The following EML6 variants were observed in gnomAD, a reference collection of about 807,000 sequenced individuals.
EML6 encodes the protein echinoderm microtubule-associated protein-like 6.
EML6 carries 154 observed loss-of-function variants against 240.1 expected under a neutral mutation model. The ratio of observed to expected loss-of-function variants is 0.64; its 90% CI spans 0.56 to 0.73. The LOEUF (loss-of-function observed/expected upper bound fraction) is 0.73, where lower values mean the gene tolerates loss of function less well. EML6 is among the 30% of genes least tolerant of loss of function. The pLI is 0.00. For synonymous variants in EML6, 1,148 were observed against 899.0 expected (o/e 1.28, Z -4.95); for missense variants, 2,964 against 2,474.6 (o/e 1.20, Z -4.20).
At chr2:54,912,548 A>T (rs1296982510) in intron 25 of EML6, among the ~76,000 whole-genome samples, 4 of 152,134 alleles carry the variant, frequency 2.6e-5, no homozygotes, top group African/African-American at 9.7e-5. Flanking sequence ...ATAGTGTTTC[A>T]GCCTTTGCCA....
chr2:54,801,822 C>T (rs554077826), intron 2 of EML6, among the ~76,000 whole-genome samples: 12 of 152,302 alleles, frequency 7.9e-5, no homozygotes, highest in South Asian at 2.1e-4. Flanking sequence ...TGTATTAAAA[C>T]GTCATGCCAT....
At chr2:54,960,371 G>GA in intron 35 of EML6, 37 bp downstream of exon 35, 1 of 1,474,944 alleles carries the variant, frequency 6.8e-7, no homozygotes, top group Non-Finnish European at 9.2e-7. Flanking sequence ...CTGGGCCAGG[G>GA]AAGGGGGAAG....
At chr2:54,967,960 C>T (rs573712213) in intron 39 of EML6, among the ~76,000 whole-genome samples, 168 bp from the exon 40 acceptor site, 5 of 152,272 alleles carry the variant, frequency 3.3e-5, no homozygotes, top group East Asian at 3.9e-4. Context: ...TCCTGCCCTG[C>T]GGTCGGTTCC....
At chr2:54,866,944 A>G in intron 14 of EML6, 60 bp downstream of exon 14, 1 of 985,810 alleles carries the variant, frequency 1.0e-6, no homozygotes, top group Non-Finnish European at 1.6e-6. Context: ...GCTGTCACCA[A>G]CCTTAGCACC....
Position 54,971,879 on chromosome 2 carries a change from T to TC in EML6, c.*1784_*1785insC. On this transcript the variant is annotated 3_prime_UTR_variant, in exon 42 of 42. Coordinates refer to ENST00000356458, the MANE Select transcript of EML6 (RefSeq NM_001039753.4). Reference sequence around the variant, plus strand: ...AACTTATTTGTAAACGTTTATATGGTATGATTTTGATTTTATGTATGTTCA... The same window carrying TC: ...AACTTATTTGTAAACGTTTATATGGTCATGATTTTGATTTTATGTATGTTCA... 6.6e-6 allele frequency: 1 copy of TC among 152,250 alleles called. No individual in the cohort carries two copies. The highest frequency in any genetic ancestry group is 1.5e-5 in the Non-Finnish European group (1 of 68,042). 9.4% of individuals were successfully genotyped at this position (152,250 alleles called of 1,614,324 possible). A position where few individuals can be genotyped will look rare whatever the true frequency, so the allele number is the denominator to read the frequency against.
intron 5 of EML6, among the ~76,000 whole-genome samples, chr2:54,823,559 A>T (rs550133583): frequency 2.0e-5 from 3 of 152,308 alleles, no homozygotes; most frequent in African/African-American, 7.2e-5. Flanking sequence ...CAAAGATGTT[A>T]TCTGCCAACG....
At chr2:54,746,602 G>C (rs1056062264) in intron 2 of EML6, among the ~76,000 whole-genome samples, 20 of 152,100 alleles carry the variant, frequency 1.3e-4, no homozygotes, top group Non-Finnish European at 1.2e-4. Context: ...CTGATTTATA[G>C]GTGCAAATTT....
intron 17 of EML6, 89 bp from the exon 18 acceptor site, chr2:54,890,965 G>C: frequency 1.7e-6 from 1 of 590,166 alleles, no homozygotes; most frequent in Non-Finnish European, 2.9e-6. Flanking sequence ...TGTTAGATGT[G>C]CTTAAAATTA....
intron 2 of EML6, among the ~76,000 whole-genome samples, chr2:54,800,476 A>T (rs1670072190): frequency 6.6e-6 from 1 of 152,156 alleles, no homozygotes; most frequent in East Asian, 1.9e-4. Flanking sequence ...ACTCTTAAGC[A>T]TCAAACATAT....
chr2:54,799,359 C>T lies in EML6; in HGVS notation c.198-13873C>T, dbSNP rs62136905. Among the ~76,000 whole-genome samples, 384 of 152,000 alleles carry T rather than the reference C, an allele frequency of 2.5e-3. 1 individual carries two copies. The highest frequency in any genetic ancestry group is 4.1e-3 in the Non-Finnish European group (282 of 67,964). On this transcript the variant is annotated intron_variant, in intron 2 of 41. Transcript: ENST00000356458. ...TACAGGCATGAGCCACCACGCCCAG[C>T]CTTTATTACTATTTTTTTTTAAGAT...
chr2:54,937,077 C>G (rs986775514), intron 28 of EML6, among the ~76,000 whole-genome samples: 2 of 150,018 alleles, frequency 1.3e-5, no homozygotes, highest in Admixed American at 1.3e-4. Context: ...GTCAGGAGTT[C>G]GAGACGTGCC....
chr2:54,953,853 C>G, intron 31 of EML6, 130 bp from the exon 32 acceptor site: 1 of 739,364 alleles, frequency 1.4e-6, no homozygotes, highest in South Asian at 2.1e-5. Flanking sequence ...TGCCACTGCA[C>G]TCTGGCCTGG....
intron 11 of EML6, among the ~76,000 whole-genome samples, chr2:54,857,870 A>G (rs1670471184): frequency 6.6e-6 from 1 of 152,240 alleles, no homozygotes; most frequent in Non-Finnish European, 1.5e-5. Flanking sequence ...GAGGGCAGAA[A>G]GAAAAGATGA....
chr2:54,864,463 T>C (rs904514814), intron 13 of EML6, among the ~76,000 whole-genome samples: 1 of 152,240 alleles, frequency 6.6e-6, no homozygotes, highest in Non-Finnish European at 1.5e-5. Context: ...AGTTGACATA[T>C]CATTTTAGCA....
chr2:54,940,455 T>C (rs924176678), intron 28 of EML6, among the ~76,000 whole-genome samples: 1 of 152,214 alleles, frequency 6.6e-6, no homozygotes, highest in Non-Finnish European at 1.5e-5. Flanking sequence ...GTGGCGTCAA[T>C]ATAAAATTTC....
chr2:54,842,840 C>G (rs999401111), intron 7 of EML6, among the ~76,000 whole-genome samples: 41 of 152,114 alleles, frequency 2.7e-4, no homozygotes, highest in African/African-American at 9.9e-4. Flanking sequence ...GAGTACTATG[C>G]TTTTGGAGAA....
chr2:54,724,941 C>T lies in EML6; in HGVS notation c.-121C>T. Reference sequence around the variant, plus strand: ...GGCCCGCTGGGCTGTGCCTGTGTGTCGCCGCGGAAATCAGCGCCCTGCGCC... The same window carrying T: ...GGCCCGCTGGGCTGTGCCTGTGTGTTGCCGCGGAAATCAGCGCCCTGCGCC... On this transcript the variant is annotated 5_prime_UTR_variant, in exon 2 of 42. Coordinates refer to ENST00000356458, the MANE Select transcript of EML6 (RefSeq NM_001039753.4). This position sits in a 1 kb window ranked among gnomAD's most constrained non-coding sequence, Gnocchi z 5.2. 1.3e-6 allele frequency: 1 copy of T among 781,402 alleles called. No individual in the cohort carries two copies. The highest frequency in any genetic ancestry group is 1.7e-6 in the Non-Finnish European group (1 of 587,036). 48.4% of individuals were successfully genotyped at this position (781,402 alleles called of 1,614,324 possible).
At position 54,895,348 on chromosome 2, in the gene EML6, A is replaced by T; in HGVS notation, c.2930A>T (p.Asn977Ile). The T allele has an allele frequency of 3.2e-6, 5 of 1,552,032 alleles. No individual in the cohort carries two copies. The highest frequency in any genetic ancestry group is 4.4e-6 in the Non-Finnish European group (5 of 1,146,976). ...GGACATATCCTGGTGGGAACAAAAA[A>T]TGGAGAGATTCTGGAAATTGATAAG... is the stretch of plus-strand genomic sequence containing the variant. ...GHGHILVGTK[N>I]GEILEIDKSG... Residue 977 changes from asparagine (N) to isoleucine (I), a missense_variant, in exon 21 of 42, where the codon AAT becomes ATT. Transcript: ENST00000356458.
chr2:54,877,679 T>C (rs1361270513), intron 16 of EML6, among the ~76,000 whole-genome samples: 2 of 152,204 alleles, frequency 1.3e-5, no homozygotes, highest in Non-Finnish European at 2.9e-5. Context: ...CATAAGGGGA[T>C]ATCATTAGTT....
Sources: allele counts gnomAD v4.1 joint callset (sites outside exome capture counted in the v4.1 genomes callset), GRCh38; gene constraint gnomAD v4.1.1; non-coding constraint Gnocchi (gnomAD v3.1); transcripts MANE v1.5; gene names NCBI Gene and HGNC (gene_info 2026-07-23, HGNC 2026-07-21).